Variants in ASCC1 observed in about 807,000 individuals in gnomAD.
The protein encoded by ASCC1 is ASC-1 complex subunit P50.
Under a neutral mutation model 46.6 loss-of-function variants are expected in ASCC1, and 35 were observed. That is an observed-to-expected ratio of 0.75 (90% CI 0.57 to 0.99). The LOEUF (loss-of-function observed/expected upper bound fraction) is 0.99. ASCC1 is among the 50% of genes least tolerant of loss of function. ASCC1 has a pLI of 0.00. For synonymous variants in ASCC1, 143 were observed against 146.6 expected (o/e 0.98, Z 0.18); for missense variants, 376 against 428.7 (o/e 0.88, Z 1.09).
At chr10:72,177,862 C>T (rs1852048500) in intron 5 of ASCC1, among the ~76,000 whole-genome samples, 2 of 152,130 alleles carry the variant, frequency 1.3e-5, no homozygotes, top group South Asian at 2.1e-4. Flanking sequence ...ATGAAGAATA[C>T]CTTGCTAATG....
chr10:72,155,050 T>C (rs549733914), intron 6 of ASCC1, among the ~76,000 whole-genome samples: 1 of 152,028 alleles, frequency 6.6e-6, no homozygotes, highest in African/African-American at 2.4e-5. Context: ...TTTACAACAA[T>C]GTGCATGCTA....
At chr10:72,173,495 G>A (rs975700123) in intron 5 of ASCC1, among the ~76,000 whole-genome samples, 3 of 152,058 alleles carry the variant, frequency 2.0e-5, no homozygotes, top group East Asian at 1.9e-4. Flanking sequence ...TCACACGATC[G>A]AAAGTCCTTT....
At chr10:72,171,668 C>T (rs1027560979) in intron 5 of ASCC1, among the ~76,000 whole-genome samples, 7 of 152,142 alleles carry the variant, frequency 4.6e-5, no homozygotes, top group Non-Finnish European at 7.4e-5. Flanking sequence ...CTGCCCACCT[C>T]GGCCTCCCAA....
Position 72,096,507 on chromosome 10 carries a change from T to C in ASCC1, c.*827A>G, listed in dbSNP as rs1486230993. ...AGGACAAACTTTGGTAGGAAAATGA[T>C]AGACCAAGCAAAGTAAAAGGCAAAC... On this transcript the variant is annotated 3_prime_UTR_variant, in exon 10 of 10. Transcript: ENST00000672957. The C allele has an allele frequency of 1.8e-5, 8 of 453,938 alleles. No individual in the cohort carries two copies. Among genetic ancestry groups the C allele is most frequent in the Non-Finnish European group, 2.6e-5 (6 of 226,796 alleles). The allele number at this position is 453,938 out of a possible 1,614,324, so 28.1% of individuals were successfully genotyped here.
At chr10:72,216,755 A>C, upstream of ASCC1, 1 of 453,938 alleles carries the variant, frequency 2.2e-6, no homozygotes, top group Non-Finnish European at 4.4e-6. Context: ...GCTCGGACAC[A>C]GCAATCTGTG....
chr10:72,137,621 T>C (rs914416900), intron 7 of ASCC1, among the ~76,000 whole-genome samples: 1 of 151,882 alleles, frequency 6.6e-6, no homozygotes, highest in Admixed American at 6.6e-5. Flanking sequence ...TGCTTCCTTA[T>C]ATAGTTATCT....
chr10:72,199,770 G>A (rs941950159), intron 4 of ASCC1, among the ~76,000 whole-genome samples: 11 of 152,060 alleles, frequency 7.2e-5, no homozygotes, highest in Non-Finnish European at 1.3e-4. Context: ...GTCTCGCTCT[G>A]TCACCCAGGA....
At chr10:72,180,012 C>T (rs1005189923) in intron 5 of ASCC1, among the ~76,000 whole-genome samples, 1 of 152,178 alleles carries the variant, frequency 6.6e-6, no homozygotes, top group Non-Finnish European at 1.5e-5. Flanking sequence ...TACGGTGGCT[C>T]ACACCTGTAA....
intron 7 of ASCC1, among the ~76,000 whole-genome samples, chr10:72,142,093 T>C (rs999018777): frequency 6.6e-6 from 1 of 152,222 alleles, no homozygotes; most frequent in African/African-American, 2.4e-5. Context: ...TACTGTTCAA[T>C]ATGATTGTTG....
chr10:72,193,062 A>G (rs1485344520), intron 5 of ASCC1, among the ~76,000 whole-genome samples: 1 of 152,254 alleles, frequency 6.6e-6, no homozygotes, highest in Non-Finnish European at 1.5e-5. Flanking sequence ...ATGCATTCTG[A>G]AAAACAGTTT....
chr10:72,146,708 T>C (rs1442794047), intron 7 of ASCC1, among the ~76,000 whole-genome samples: 1 of 152,082 alleles, frequency 6.6e-6, no homozygotes, highest in Admixed American at 6.5e-5. Context: ...CGAGGATGCA[T>C]TAGTAAGTGT....
At chr10:72,181,654 T>C (rs1313661485) in intron 5 of ASCC1, among the ~76,000 whole-genome samples, 3 of 152,002 alleles carry the variant, frequency 2.0e-5, no homozygotes, top group African/African-American at 7.2e-5. Context: ...AAAAAACGTC[T>C]GGACAGAATC....
At chr10:72,214,428 T>C (rs1858747193) in intron 1 of ASCC1, among the ~76,000 whole-genome samples, 4 of 141,356 alleles carry the variant, frequency 2.8e-5, no homozygotes, top group Admixed American at 2.4e-4. Flanking sequence ...CAGGCTGGAG[T>C]GCAATGACAC....
intron 7 of ASCC1, among the ~76,000 whole-genome samples, chr10:72,137,867 CTT>C (rs201028015): frequency 6.9e-6 from 1 of 145,946 alleles, no homozygotes; most frequent in Non-Finnish European, 1.5e-5. Context: ...TCTTCTTCTT[CTT>C]TTTTTTTTTT....
intron 9 of ASCC1, chr10:72,103,050 C>T (rs1841960848): frequency 2.5e-6 from 1 of 401,058 alleles, no homozygotes; most frequent in Non-Finnish European, 4.9e-6. Context: ...AAGATGACAA[C>T]AGCCAACATT....
intron 5 of ASCC1, among the ~76,000 whole-genome samples, chr10:72,179,995 G>A (rs767378057): frequency 5.9e-5 from 9 of 152,206 alleles, no homozygotes; most frequent in East Asian, 1.9e-4. Context: ...TAAAAGAACC[G>A]GCCGGGTACG....
At chr10:72,113,827 C>G (rs963067136) in intron 9 of ASCC1, among the ~76,000 whole-genome samples, 1 of 152,172 alleles carries the variant, frequency 6.6e-6, no homozygotes, top group African/African-American at 2.4e-5. Flanking sequence ...CTGCAATCTC[C>G]TATTTTTATA....
chr10:72,110,570 T>C (rs368335791), intron 9 of ASCC1, among the ~76,000 whole-genome samples: 1 of 152,012 alleles, frequency 6.6e-6, no homozygotes, highest in African/African-American at 2.4e-5. Context: ...GGGTGGATCA[T>C]GAGGTCAGGA....
At position 72,178,062 on chromosome 10, in the gene ASCC1, G is replaced by A. The variant is rs537266878; in HGVS notation, c.490-16388C>T. On this transcript the variant is annotated intron_variant, in intron 5 of 9. Transcript: ENST00000672957. ...ATGAAGAGCCAAGGGTGAGGTCAAG[G>A]ACAAGTCTGCTACCAAACAAAGAGG... is the stretch of plus-strand genomic sequence containing the variant. 4.6e-5 allele frequency among the ~76,000 whole-genome samples: 7 copies of A among 152,298 alleles called. No homozygotes were observed. In the South Asian group the frequency reaches 1.4e-3, roughly 32 times the overall value.
Sources: allele counts gnomAD v4.1 joint callset (sites outside exome capture counted in the v4.1 genomes callset), GRCh38; gene constraint gnomAD v4.1.1; transcripts MANE v1.5; gene names NCBI Gene and HGNC (gene_info 2026-07-23, HGNC 2026-07-21).